The following NAALADL2 variants were observed in gnomAD, a reference collection of about 807,000 sequenced individuals.
The protein encoded by NAALADL2 is inactive N-acetylated-alpha-linked acidic dipeptidase-like protein 2.
Under a neutral mutation model 87.2 loss-of-function variants are expected in NAALADL2, and 76 were observed. The observed-to-expected ratio is 0.87, with a 90% CI of 0.72 to 1.05. The LOEUF is 1.05. Among genes scored for constraint, NAALADL2 ranks in the 50% least tolerant of loss-of-function variants. The probability of loss-of-function intolerance (pLI) is 0.00; values close to 1 mark genes in which losing one functional copy is unlikely to be tolerated. For synonymous variants in NAALADL2, 354 were observed against 331.0 expected, an observed-to-expected ratio of 1.07 and a Z score of -0.75; for missense variants, 1,089 against 945.8, an observed-to-expected ratio of 1.15 and a Z score of -1.99.
chr3:174,694,403 T>C (rs1469346393), intron 2 of NAALADL2, among the ~76,000 whole-genome samples: 1 of 152,090 alleles, frequency 6.6e-6, no homozygotes, highest in Non-Finnish European at 1.5e-5. Flanking sequence ...TATCTTTGCA[T>C]ATCTTTGCAT....
At chr3:175,007,384 C>T (rs1427588927) in intron 1 of NAALADL2, among the ~76,000 whole-genome samples, 1 of 152,080 alleles carries the variant, frequency 6.6e-6, no homozygotes, top group South Asian at 2.1e-4. Flanking sequence ...AGGTAGAAAA[C>T]CCTGAAGGAA....
chr3:175,424,192 G>T (rs532151539), intron 5 of NAALADL2, among the ~76,000 whole-genome samples: 3 of 151,624 alleles, frequency 2.0e-5, no homozygotes, highest in African/African-American at 4.8e-5. Context: ...CAAAAATTTT[G>T]TCCCATTCTG....
At chr3:175,757,625 A>G (rs1377067981) in intron 13 of NAALADL2, among the ~76,000 whole-genome samples, 1 of 152,130 alleles carries the variant, frequency 6.6e-6, no homozygotes, top group East Asian at 1.9e-4. Flanking sequence ...TGGAAAATAT[A>G]CATTATTATA....
At chr3:175,530,410 G>A (rs577259114) in intron 9 of NAALADL2, among the ~76,000 whole-genome samples, 1 of 152,286 alleles carries the variant, frequency 6.6e-6, no homozygotes, top group East Asian at 1.9e-4. Flanking sequence ...ATGTCATCAA[G>A]CATCTGGCCA....
chr3:175,762,414 T>C (rs551060196), intron 13 of NAALADL2, among the ~76,000 whole-genome samples: 4 of 152,082 alleles, frequency 2.6e-5, no homozygotes, highest in Non-Finnish European at 5.9e-5. Flanking sequence ...TTTTTAAAAG[T>C]GGGAAGAGAT....
chr3:174,676,737 A>T (rs1285927157), intron 2 of NAALADL2, among the ~76,000 whole-genome samples: 1 of 151,836 alleles, frequency 6.6e-6, no homozygotes, highest in Non-Finnish European at 1.5e-5. Context: ...ATTATCTTTC[A>T]TCAAAGGTCT....
intron 12 of NAALADL2, among the ~76,000 whole-genome samples, chr3:175,742,429 G>A (rs554095335): frequency 5.6e-4 from 85 of 152,118 alleles, no homozygotes; most frequent in African/African-American, 2.0e-3. Context: ...ACGGAGTCTC[G>A]CTCTGTCACC....
intron 1 of NAALADL2, among the ~76,000 whole-genome samples, chr3:175,013,173 C>CATATATAATAT (rs1750269166): frequency 3.7e-5 from 3 of 81,904 alleles, no homozygotes; most frequent in African/African-American, 2.8e-4. Context: ...ATATGTAATA[C>CATATATAATAT]ATATTTATAT....
intron 11 of NAALADL2, among the ~76,000 whole-genome samples, chr3:175,683,670 A>G (rs926143905): frequency 6.6e-6 from 1 of 151,976 alleles, no homozygotes; most frequent in African/African-American, 2.4e-5. Context: ...AATATATATT[A>G]TTTGAATAAA....
intron 1 of NAALADL2, among the ~76,000 whole-genome samples, chr3:175,093,416 T>TATATATATATATATATATATATA (rs1489640629): frequency 2.9e-5 from 4 of 139,520 alleles, no homozygotes; most frequent in Admixed American, 1.4e-4. Context: ...TTTTATTTTT[T>TATATATATATATATATATATATA]TATATATATA....
At chr3:174,587,689 T>G (rs1157835370) in intron 2 of NAALADL2, among the ~76,000 whole-genome samples, 1 of 152,222 alleles carries the variant, frequency 6.6e-6, no homozygotes, top group African/African-American at 2.4e-5. Flanking sequence ...TCTTTAAGAA[T>G]GTTGAGTATT....
At chr3:175,047,239 T>C (rs1754795982) in intron 1 of NAALADL2, among the ~76,000 whole-genome samples, 1 of 152,164 alleles carries the variant, frequency 6.6e-6, no homozygotes, top group African/African-American at 2.4e-5. Flanking sequence ...GGGGGGACAA[T>C]TGTTTTGGAT....
intron 1 of NAALADL2, among the ~76,000 whole-genome samples, chr3:175,047,837 A>G (rs1335360453): frequency 1.3e-5 from 2 of 152,220 alleles, no homozygotes; most frequent in African/African-American, 2.4e-5. Flanking sequence ...CCTTTCATAT[A>G]TTCACAACTG....
intron 4 of NAALADL2, among the ~76,000 whole-genome samples, chr3:175,264,635 A>G (rs1187729347): frequency 6.6e-6 from 1 of 151,800 alleles, no homozygotes; most frequent in East Asian, 1.9e-4. Flanking sequence ...AATAAAACAG[A>G]TATAAATAAA....
intron 1 of NAALADL2, chr3:174,864,118 G>A (rs1408063216): frequency 2.2e-6 from 1 of 453,836 alleles, no homozygotes; most frequent in Non-Finnish European, 4.4e-6. Flanking sequence ...GAGTGAGTTA[G>A]GCAAAGGTGC....
At chr3:174,977,646 G>A (rs1744539293) in intron 1 of NAALADL2, among the ~76,000 whole-genome samples, 1 of 152,100 alleles carries the variant, frequency 6.6e-6, no homozygotes, top group South Asian at 2.1e-4. Context: ...CCTGTTACCT[G>A]CCCCAGCTTT....
chr3:174,529,776 G>C (rs1721076299), intron 1 of NAALADL2, among the ~76,000 whole-genome samples: 1 of 152,286 alleles, frequency 6.6e-6, no homozygotes, highest in South Asian at 2.1e-4. Context: ...CAGGCTCTAT[G>C]TTGGCCCCTT....
chr3:175,020,044 C>T (rs1411688815), intron 1 of NAALADL2, among the ~76,000 whole-genome samples: 2 of 151,978 alleles, frequency 1.3e-5, no homozygotes, highest in African/African-American at 2.4e-5. Context: ...ATAATAAGCA[C>T]ACAATTAACA....
At chr3:174,521,340 C>T (rs1176086300) in intron 1 of NAALADL2, among the ~76,000 whole-genome samples, 3 of 151,798 alleles carry the variant, frequency 2.0e-5, no homozygotes, top group East Asian at 1.9e-4. Context: ...CCGAGGCAGG[C>T]GGATCACTTG....
Sources: allele counts gnomAD v4.1 joint callset (sites outside exome capture counted in the v4.1 genomes callset), GRCh38; gene constraint gnomAD v4.1.1; transcripts MANE v1.5; gene names NCBI Gene and HGNC (gene_info 2026-07-23, HGNC 2026-07-21).